CCDC125: variants seen among roughly 807,000 people sequenced by gnomAD.
The protein encoded by CCDC125 is coiled-coil domain containing 125.
In CCDC125, 43 loss-of-function variants were observed where a neutral mutation model predicts 57.4. The observed-to-expected ratio is 0.75, with a 90% CI of 0.59 to 0.97. CCDC125 has a LOEUF of 0.97. Among genes scored for constraint, CCDC125 ranks in the 50% least tolerant of loss-of-function variants. CCDC125 has a pLI of 0.00. For missense variants in CCDC125, 563 were observed against 595.7 expected (o/e 0.95, Z 0.57); for synonymous variants, 187 against 195.2 (o/e 0.96, Z 0.35).
At chr5:69,328,211 T>G (rs548465491) in intron 1 of CCDC125, among the ~76,000 whole-genome samples, 1 of 152,188 alleles carries the variant, frequency 6.6e-6, no homozygotes, top group South Asian at 2.1e-4. Flanking sequence ...TTGTTTTAAT[T>G]TTTTAAATTA....
At chr5:69,297,135 G>A (rs975584425) in intron 8 of CCDC125, among the ~76,000 whole-genome samples, 1 of 151,962 alleles carries the variant, frequency 6.6e-6, no homozygotes, top group African/African-American at 2.4e-5. Flanking sequence ...GTACAATCTC[G>A]GCTCCCTGCA....
chr5:69,327,381 AC>A (rs1446780294), intron 1 of CCDC125, among the ~76,000 whole-genome samples: 1 of 152,072 alleles, frequency 6.6e-6, no homozygotes, highest in African/African-American at 2.4e-5. Context: ...GGCATGAGCC[AC>A]CCCGCCTGGC....
At chr5:69,278,003 T>C (rs62373164), downstream of CCDC125, among the ~76,000 whole-genome samples, 95,792 of 151,894 alleles carry the variant, frequency 0.63, 31,024 homozygotes, top group African/African-American at 0.78. Context: ...TTCAGCCTCC[T>C]GAGCAGCTGG....
intron 8 of CCDC125, among the ~76,000 whole-genome samples, chr5:69,297,464 A>G (rs936446576): frequency 1.3e-5 from 2 of 151,040 alleles, no homozygotes; most frequent in Non-Finnish European, 2.9e-5. Context: ...GGTTCAAGCA[A>G]TTCTCCTGCC....
chr5:69,331,185 C>T (rs997744223), intron 1 of CCDC125, among the ~76,000 whole-genome samples: 1 of 150,846 alleles, frequency 6.6e-6, no homozygotes, highest in Non-Finnish European at 1.5e-5. Flanking sequence ...CGCCTTTAAT[C>T]CCAACTACTT....
chr5:69,305,888 T>C (rs1404524574), intron 6 of CCDC125, among the ~76,000 whole-genome samples: 2 of 152,196 alleles, frequency 1.3e-5, no homozygotes, highest in African/African-American at 4.8e-5. Context: ...CGTCTCCCTT[T>C]GTTCAGTCCA....
chr5:69,290,287 TTATTATTATTATTAC>T (rs1389969439), intron 10 of CCDC125, among the ~76,000 whole-genome samples: 1 of 151,056 alleles, frequency 6.6e-6, no homozygotes, highest in Non-Finnish European at 1.5e-5. Context: ...CATTTTATTA[TTATTATTATTATTAC>T]TATTATTATT....
intron 7 of CCDC125, among the ~76,000 whole-genome samples, chr5:69,302,790 C>T (rs1471542618): frequency 2.6e-5 from 4 of 151,782 alleles, no homozygotes; most frequent in Non-Finnish European, 4.4e-5. Flanking sequence ...TAAGGTAGAC[C>T]ATTATATAAG....
intron 2 of CCDC125, among the ~76,000 whole-genome samples, chr5:69,316,271 T>C (rs766727479): frequency 3.9e-5 from 6 of 152,206 alleles, no homozygotes; most frequent in Admixed American, 6.6e-5. Flanking sequence ...TTTGCAGATG[T>C]GATGAGATTA....
downstream of CCDC125, chr5:69,276,697 T>G (rs369475447): frequency 2.0e-5 from 32 of 1,607,424 alleles, no homozygotes; most frequent in Non-Finnish European, 1.1e-5. Flanking sequence ...CAAGGTAAGA[T>G]TCCCACTTTT....
At chr5:69,323,049 G>A (rs1393284201) in intron 1 of CCDC125, among the ~76,000 whole-genome samples, 3 of 151,254 alleles carry the variant, frequency 2.0e-5, no homozygotes, top group African/African-American at 7.3e-5. Context: ...GCTCATGCCT[G>A]TAATCCCAGC....
intron 10 of CCDC125, among the ~76,000 whole-genome samples, chr5:69,290,115 T>C (rs1317781558): frequency 6.6e-6 from 1 of 151,996 alleles, no homozygotes; most frequent in African/African-American, 2.4e-5. Context: ...CTTCTATTTC[T>C]ATCATCCCTC....
At chr5:69,279,429 C>T (rs959465800), downstream of CCDC125, among the ~76,000 whole-genome samples, 1 of 152,250 alleles carries the variant, frequency 6.6e-6, no homozygotes, top group African/African-American at 2.4e-5. Context: ...ATCTCCTGAC[C>T]TCGTGATCCG....
chr5:69,325,048 G>T (rs906897771), intron 1 of CCDC125, among the ~76,000 whole-genome samples: 1 of 152,108 alleles, frequency 6.6e-6, no homozygotes. Context: ...CATTAGGCTG[G>T]GTGTGGTGGT....
At chr5:69,307,922 A>G in intron 5 of CCDC125, 29 bp downstream of exon 5, 1 of 1,547,568 alleles carries the variant, frequency 6.5e-7, no homozygotes, top group East Asian at 2.2e-5. Flanking sequence ...TATTGGATTC[A>G]ATAAGTCTAC....
At chr5:69,287,596 G>T (rs925799683) in intron 10 of CCDC125, among the ~76,000 whole-genome samples, 5 of 151,096 alleles carry the variant, frequency 3.3e-5, no homozygotes, top group Non-Finnish European at 1.5e-5. Context: ...TTGAGACAGG[G>T]TCTTGCTCCA....
chr5:69,310,455 T>G (rs1757960567), intron 4 of CCDC125: 1 of 157,294 alleles, frequency 6.4e-6, no homozygotes, highest in Admixed American at 6.5e-5. Context: ...AGGAACTGCC[T>G]TTCACCTCCC....
intron 3 of CCDC125, 27 bp downstream of exon 3, chr5:69,313,958 A>C: frequency 6.5e-7 from 1 of 1,540,696 alleles, no homozygotes; most frequent in Non-Finnish European, 9.0e-7. Context: ...CTAAACTGAT[A>C]ATTTTTATAT....
Position 69,310,526 on chromosome 5 carries a change from T to C in CCDC125, c.453+592A>G, listed in dbSNP as rs995259228. 9 of 158,476 alleles carry C rather than the reference T, an allele frequency of 5.7e-5. No homozygotes were observed. The East Asian group carries it at 1.6e-3, about 29-fold the overall frequency. The allele number at this position is 158,476 out of a possible 1,614,324, so 9.8% of individuals were successfully genotyped here. ...TGTAAGTCCAATTAAACCTCTTTTT[T>C]TCCCCCAGTCTTGGGTATGTCTTTA... On this transcript the variant is annotated intron_variant, in intron 4 of 11. Coordinates refer to ENST00000396496, the MANE Select transcript of CCDC125 (RefSeq NM_176816.5).
Sources: gnomAD v4.1 joint callset for allele counts (sites outside exome capture counted in the v4.1 genomes callset) on GRCh38, gnomAD v4.1.1 for gene constraint, MANE v1.5 for transcripts, NCBI Gene and HGNC (gene_info 2026-07-23, HGNC 2026-07-21) for gene names.